Variants in NHS observed in about 807,000 individuals in gnomAD.
NHS encodes NHS actin remodeling regulator.
NHS carries 5 observed loss-of-function variants against 72.5 expected under a neutral mutation model. The ratio of observed to expected loss-of-function variants is 0.07; its 90% CI spans 0.04 to 0.14. The LOEUF (loss-of-function observed/expected upper bound fraction) is 0.14. Ranked by LOEUF, NHS falls within the 10% of genes least tolerant of loss-of-function variation. The pLI is 1.00. For missense variants in NHS, 1,072 were observed against 1,355.7 expected (o/e 0.79, Z 3.29); for synonymous variants, 464 against 547.7 (o/e 0.85, Z 2.13).
In NHS at chrX:17,489,958, C is replaced by G. The variant is rs374326876; in HGVS notation, c.565+113636C>G. Among the ~76,000 whole-genome samples, 18 of 112,068 alleles carry G rather than the reference C, an allele frequency of 1.6e-4. 1 individual carries two copies. The East Asian group carries it at 5.0e-3, about 31-fold the overall frequency. The stretch of plus-strand genomic sequence containing the variant: ...GAAGTGTCTGTACATATACTTCACC[C>G]ACTTTTTGATGGAGTTGTTTTTTTC... On this transcript the variant is annotated intron_variant, in intron 1 of 8. Coordinates refer to ENST00000676302, the MANE Select transcript of NHS (RefSeq NM_001291867.2).
chrX:17,729,395 A>T (rs2066472671), intron 8 of NHS, among the ~76,000 whole-genome samples: 2 of 112,872 alleles, frequency 1.8e-5, no homozygotes, highest in Admixed American at 1.9e-4. Context: ...AAAGTTGATC[A>T]CAAAACAGTC....
At chrX:17,594,440 G>A (rs1384434596) in intron 1 of NHS, among the ~76,000 whole-genome samples, 2 of 111,479 alleles carry the variant, frequency 1.8e-5, no homozygotes, top group Non-Finnish European at 3.8e-5. Flanking sequence ...GAAGATAGAG[G>A]TACCTGGCAG....
At chrX:17,410,059 C>T (rs981472966) in intron 1 of NHS, among the ~76,000 whole-genome samples, 44 of 111,259 alleles carry the variant, frequency 4.0e-4, no homozygotes, top group African/African-American at 1.4e-3. Flanking sequence ...CCCTTTTTTA[C>T]TGAGATCCTG....
At chrX:17,723,781 G>GCA (rs1470410355) in intron 5 of NHS, among the ~76,000 whole-genome samples, 1 of 102,447 alleles carries the variant, frequency 9.8e-6, no homozygotes, top group African/African-American at 3.9e-5. Context: ...GCGCGCGCGT[G>GCA]CGCGCATGGG....
chrX:17,489,114 C>T (rs1038092826), intron 1 of NHS, among the ~76,000 whole-genome samples: 2 of 111,897 alleles, frequency 1.8e-5, no homozygotes, highest in Non-Finnish European at 3.8e-5. Flanking sequence ...CTGCAAAGGA[C>T]ATGAATTCAT....
At chrX:17,715,205 C>T (rs2066357747) in intron 3 of NHS, among the ~76,000 whole-genome samples, 1 of 111,512 alleles carries the variant, frequency 9.0e-6, no homozygotes, top group Non-Finnish European at 1.9e-5. Flanking sequence ...AGTCCCCAAA[C>T]TCCATTATAT....
intron 1 of NHS, among the ~76,000 whole-genome samples, chrX:17,574,634 C>T (rs1417196796): frequency 1.8e-5 from 2 of 112,149 alleles, no homozygotes; most frequent in East Asian, 2.8e-4. Context: ...AGAGGGAAAT[C>T]CCCCGACCCC....
chrX:17,515,244 G>A (rs191677353), intron 1 of NHS, among the ~76,000 whole-genome samples: 1 of 111,864 alleles, frequency 8.9e-6, no homozygotes, highest in Non-Finnish European at 1.9e-5. Context: ...TTACTGACCT[G>A]TGCTTACTAA....
intron 1 of NHS, among the ~76,000 whole-genome samples, chrX:17,600,899 T>C (rs1311984831): frequency 8.9e-6 from 1 of 111,840 alleles, no homozygotes; most frequent in Non-Finnish European, 1.9e-5. Flanking sequence ...TCTGGCATGA[T>C]GGCCCTCAAG....
intron 1 of NHS, among the ~76,000 whole-genome samples, chrX:17,623,720 G>A (rs770386739): frequency 3.0e-4 from 34 of 112,151 alleles, no homozygotes; most frequent in African/African-American, 1.0e-3. Context: ...GGGGCCTGCT[G>A]GTGAGGCCAC....
chrX:17,652,633 G>A (rs987077118), intron 1 of NHS, among the ~76,000 whole-genome samples: 3 of 111,606 alleles, frequency 2.7e-5, no homozygotes, highest in Non-Finnish European at 5.6e-5. Context: ...AAAAATTACA[G>A]CTAGATAGGT....
intron 1 of NHS, among the ~76,000 whole-genome samples, chrX:17,656,481 C>T (rs1023810198): frequency 1.8e-5 from 2 of 111,749 alleles, no homozygotes; most frequent in Admixed American, 1.9e-4. Flanking sequence ...AGGCTCGAGG[C>T]CAGCCGCGCG....
intron 1 of NHS, among the ~76,000 whole-genome samples, chrX:17,430,165 C>T (rs1444720412): frequency 4.0e-5 from 3 of 74,430 alleles, no homozygotes; most frequent in Non-Finnish European, 2.5e-5. Context: ...CTTTCTCCTT[C>T]CTTCCCTTCT....
Position 17,572,719 on chromosome X carries a change from C to T in NHS, c.566-115023C>T, listed in dbSNP as rs771732541. ...GTTATGTGTGAATTTGATCCTGTCG[C>T]TATGATGCTAGCTGGTTATTTCACC... On this transcript the variant is annotated intron_variant, in intron 1 of 8. Coordinates refer to ENST00000676302, the MANE Select transcript of NHS (RefSeq NM_001291867.2). Among the ~76,000 whole-genome samples, 5 of 110,466 alleles carry T rather than the reference C, an allele frequency of 4.5e-5. No individual in the cohort carries two copies. The South Asian group carries it at 1.5e-3, about 34-fold the overall frequency.
At chrX:17,709,409 C>T (rs2066315730) in intron 3 of NHS, among the ~76,000 whole-genome samples, 2 of 111,456 alleles carry the variant, frequency 1.8e-5, no homozygotes, top group Non-Finnish European at 3.8e-5. Context: ...TCATATTGTC[C>T]TGATTGGACT....
chrX:17,688,007 T>G (rs1439895868), intron 2 of NHS, 113 bp downstream of exon 2: 1 of 848,034 alleles, frequency 1.2e-6, no homozygotes, highest in Non-Finnish European at 1.7e-6. Flanking sequence ...GCAAGTACTT[T>G]GAAATGCTCC....
chrX:17,573,989 G>T lies in NHS; in HGVS notation c.566-113753G>T, dbSNP rs779925016. 9.3e-4 allele frequency among the ~76,000 whole-genome samples: 104 copies of T among 111,617 alleles called. 1 individual carries two copies. The highest frequency in any genetic ancestry group is 4.2e-3 in the Middle Eastern group (1 of 237). ...TGGAGGTCCACTCCAGACCCTGTTTGCCTGGGTTTCACCAGCAGAAGCTGC... is the reference window on the plus strand; with the variant it reads ...TGGAGGTCCACTCCAGACCCTGTTTTCCTGGGTTTCACCAGCAGAAGCTGC... On this transcript the variant is annotated intron_variant, in intron 1 of 8. Transcript: ENST00000676302.
At chrX:17,653,109 TA>T (rs767104174) in intron 1 of NHS, among the ~76,000 whole-genome samples, 10 of 111,574 alleles carry the variant, frequency 9.0e-5, no homozygotes, top group African/African-American at 3.3e-4. Flanking sequence ...TAGGGGGACC[TA>T]AAAAAATGCA....
At chrX:17,432,105 C>G (rs1358174979) in intron 1 of NHS, among the ~76,000 whole-genome samples, 4 of 112,552 alleles carry the variant, frequency 3.6e-5, no homozygotes, top group African/African-American at 1.3e-4. Flanking sequence ...AGCTACACTA[C>G]CCAGGGGGTA....
Sources: gnomAD v4.1 joint callset for allele counts (sites outside exome capture counted in the v4.1 genomes callset) on GRCh38, gnomAD v4.1.1 for gene constraint, MANE v1.5 for transcripts, NCBI Gene and HGNC (gene_info 2026-07-23, HGNC 2026-07-21) for gene names.